RBFOX1: variants seen among roughly 807,000 people sequenced by gnomAD.
RBFOX1 encodes the protein RNA binding fox-1 homolog 1.
Under a neutral mutation model 57.7 loss-of-function variants are expected in RBFOX1, and 8 were observed. The observed-to-expected ratio is 0.14, with a 90% CI of 0.08 to 0.25. The LOEUF is 0.25. RBFOX1 is among the 10% of genes least tolerant of loss of function. The pLI is 1.00. For missense variants in RBFOX1, 611 were observed against 548.5 expected (o/e 1.11, Z -1.14); for synonymous variants, 326 against 222.4 (o/e 1.47, Z -4.15).
In RBFOX1 at chr16:5,978,440, G is replaced by A. The variant is rs553937026; in HGVS notation, c.351+111105G>A. On this transcript the variant is annotated intron_variant, in intron 4 of 19. Transcript: ENST00000641259. ...TGTATACCCTACATATGGTTTTCCC[G>A]ACTGATAACGTCATCCATCAACAGG... is the stretch of plus-strand genomic sequence containing the variant. 1.2e-4 allele frequency among the ~76,000 whole-genome samples: 19 copies of A among 152,230 alleles called. No individual in the cohort carries two copies. The South Asian group carries it at 3.5e-3, about 28-fold the overall frequency.
intron 1 of RBFOX1, among the ~76,000 whole-genome samples, chr16:6,024,899 C>G (rs1596470557): frequency 6.6e-6 from 1 of 152,194 alleles, no homozygotes; most frequent in East Asian, 1.9e-4. Flanking sequence ...ATACCTTGTC[C>G]TAAAAGACTT....
At chr16:7,152,406 G>C (rs923992838) in intron 4 of RBFOX1, among the ~76,000 whole-genome samples, 3 of 152,180 alleles carry the variant, frequency 2.0e-5, no homozygotes, top group Non-Finnish European at 4.4e-5. Context: ...ACCCTTGGCT[G>C]ACCCGATAGC....
At chr16:7,568,927 G>A (rs2092455560) in intron 5 of RBFOX1, among the ~76,000 whole-genome samples, 2 of 149,998 alleles carry the variant, frequency 1.3e-5, no homozygotes, top group Admixed American at 6.7e-5. Flanking sequence ...AAACTGTCTG[G>A]GAATGCAGCC....
intron 1 of RBFOX1, among the ~76,000 whole-genome samples, chr16:5,250,880 A>T (rs555247413): frequency 2.6e-4 from 39 of 152,214 alleles, no homozygotes; most frequent in African/African-American, 8.7e-4. Context: ...TTTCTGTGAG[A>T]TGTTCCTGGA....
chr16:6,898,955 C>T (rs527422906), intron 3 of RBFOX1, among the ~76,000 whole-genome samples: 1 of 150,062 alleles, frequency 6.7e-6, no homozygotes, highest in Non-Finnish European at 1.5e-5. Context: ...GTGTATAATA[C>T]ATTGTGTATG....
chr16:6,672,789 A>G (rs549995884), intron 3 of RBFOX1, among the ~76,000 whole-genome samples: 1 of 152,310 alleles, frequency 6.6e-6, no homozygotes, highest in African/African-American at 2.4e-5. Flanking sequence ...CAGTTCTGGT[A>G]GAAAGATCGT....
intron 4 of RBFOX1, among the ~76,000 whole-genome samples, chr16:5,968,522 A>C (rs542483651): frequency 9.9e-5 from 15 of 152,226 alleles, no homozygotes; most frequent in African/African-American, 3.4e-4. Context: ...CTTAAATATT[A>C]TTATTTCCTT....
At chr16:6,852,806 G>A (rs1603632464) in intron 3 of RBFOX1, among the ~76,000 whole-genome samples, 2 of 151,856 alleles carry the variant, frequency 1.3e-5, no homozygotes, top group East Asian at 1.9e-4. Context: ...AGCTGTCCAG[G>A]TGAGATGCAT....
chr16:6,741,429 G>T (rs555962708), intron 3 of RBFOX1, among the ~76,000 whole-genome samples: 366 of 152,224 alleles, frequency 2.4e-3, no homozygotes, highest in South Asian at 0.015. Flanking sequence ...TTGGGAGGCT[G>T]ATAGCAGGTG....
At chr16:7,348,141 C>G (rs1603626451) in intron 4 of RBFOX1, among the ~76,000 whole-genome samples, 1 of 152,134 alleles carries the variant, frequency 6.6e-6, no homozygotes, top group African/African-American at 2.4e-5. Flanking sequence ...GTGGGCTAAA[C>G]CTAAGTTTTC....
intron 12 of RBFOX1, 117 bp from the exon 13 acceptor site, chr16:7,664,812 T>G: frequency 6.3e-7 from 1 of 1,582,014 alleles, no homozygotes; most frequent in Non-Finnish European, 8.7e-7. Flanking sequence ...AAAACGATCC[T>G]CGGTTCCTGT....
At chr16:6,284,976 G>A (rs1198297765) in intron 1 of RBFOX1, among the ~76,000 whole-genome samples, 16 of 152,206 alleles carry the variant, frequency 1.1e-4, no homozygotes, top group Middle Eastern at 3.4e-3. Flanking sequence ...CCAGGGTATC[G>A]GGGAAATTCA....
chr16:7,230,878 C>T (rs1005326841), intron 4 of RBFOX1, among the ~76,000 whole-genome samples: 1 of 152,118 alleles, frequency 6.6e-6, no homozygotes, highest in African/African-American at 2.4e-5. Context: ...ACTATAGTTC[C>T]TCATTTTGTA....
intron 2 of RBFOX1, among the ~76,000 whole-genome samples, chr16:5,488,049 T>TG (rs2042692749): frequency 6.6e-6 from 1 of 151,794 alleles, no homozygotes; most frequent in South Asian, 2.1e-4. Context: ...GTGATGATGA[T>TG]GGTGGTGAGG....
At chr16:5,756,999 T>C (rs1010606293) in intron 3 of RBFOX1, among the ~76,000 whole-genome samples, 3 of 152,196 alleles carry the variant, frequency 2.0e-5, no homozygotes, top group Non-Finnish European at 2.9e-5. Context: ...CTTAACACAA[T>C]AGAAATTTAC....
intron 2 of RBFOX1, among the ~76,000 whole-genome samples, chr16:5,474,483 G>A (rs1396440659): frequency 5.3e-5 from 8 of 152,160 alleles, no homozygotes; most frequent in South Asian, 2.1e-4. Flanking sequence ...GTGAAACCCC[G>A]TCTCTACTAA....
chr16:5,416,970 C>T (rs2067178800), intron 1 of RBFOX1, among the ~76,000 whole-genome samples: 1 of 152,140 alleles, frequency 6.6e-6, no homozygotes, highest in Non-Finnish European at 1.5e-5. Context: ...ATGAAAAGTT[C>T]TTCTGTGTAA....
chr16:7,065,821 C>T (rs553944055), intron 4 of RBFOX1, among the ~76,000 whole-genome samples: 3 of 152,242 alleles, frequency 2.0e-5, no homozygotes, highest in South Asian at 2.1e-4. Flanking sequence ...AGCCTCCAAG[C>T]CTCTGGTAAT....
chr16:5,540,799 C>T (rs767126991), intron 2 of RBFOX1, among the ~76,000 whole-genome samples: 1 of 152,204 alleles, frequency 6.6e-6, no homozygotes, highest in Non-Finnish European at 1.5e-5. Flanking sequence ...AGTGCAGAAT[C>T]TCAGCTCCAT....
Sources: allele counts gnomAD v4.1 joint callset (sites outside exome capture counted in the v4.1 genomes callset), GRCh38; gene constraint gnomAD v4.1.1; transcripts MANE v1.5; gene names NCBI Gene and HGNC (gene_info 2026-07-23, HGNC 2026-07-21).